FAM168A: variants seen among roughly 807,000 people sequenced by gnomAD.
FAM168A encodes the protein protein FAM168A.
In FAM168A, 3 loss-of-function variants were observed where a neutral mutation model predicts 28.5. The observed-to-expected ratio is 0.11, with a 90% CI of 0.05 to 0.27. FAM168A has a LOEUF of 0.27. FAM168A is among the 10% of genes least tolerant of loss of function. FAM168A has a pLI of 1.00. For missense variants in FAM168A, 222 were observed against 311.5 expected, an observed-to-expected ratio of 0.71 and a Z score of 2.16; for synonymous variants, 122 against 124.2, an observed-to-expected ratio of 0.98 and a Z score of 0.12.
chr11:73,556,645 GA>G (rs1224339075), intron 1 of FAM168A, among the ~76,000 whole-genome samples: 1 of 151,850 alleles, frequency 6.6e-6, no homozygotes, highest in Non-Finnish European at 1.5e-5. Flanking sequence ...ACAACATTAT[GA>G]ATGTATTTAA....
chr11:73,506,087 C>T (rs1220451152), intron 1 of FAM168A, among the ~76,000 whole-genome samples: 1 of 152,194 alleles, frequency 6.6e-6, no homozygotes, highest in Non-Finnish European at 1.5e-5. Context: ...AGAAGTTCCA[C>T]ACCAGGACCT....
At chr11:73,573,926 G>T (rs1944139746) in intron 1 of FAM168A, among the ~76,000 whole-genome samples, 1 of 152,106 alleles carries the variant, frequency 6.6e-6, no homozygotes, top group Admixed American at 6.5e-5. Flanking sequence ...CTGCACTCCA[G>T]CCTGGGTGAC....
intron 1 of FAM168A, among the ~76,000 whole-genome samples, chr11:73,545,027 A>ATAAT (rs57233496): frequency 1.3e-5 from 1 of 77,468 alleles, no homozygotes; most frequent in Admixed American, 1.6e-4. Flanking sequence ...TAGTATATAT[A>ATAAT]ATATATATAT....
chr11:73,556,618 T>C (rs530564541), intron 1 of FAM168A, among the ~76,000 whole-genome samples: 66 of 151,988 alleles, frequency 4.3e-4, no homozygotes, highest in African/African-American at 1.4e-3. Flanking sequence ...TTAGAGATAG[T>C]TGACAGTGAT....
chr11:73,430,354 A>G (rs146252646), intron 3 of FAM168A: 113 of 315,556 alleles, frequency 3.6e-4, no homozygotes, highest in Non-Finnish European at 5.8e-4. Flanking sequence ...GTGTGTCCCA[A>G]TGGCAGCCTC....
chr11:73,505,956 T>C (rs979407714), intron 1 of FAM168A, among the ~76,000 whole-genome samples: 1 of 152,164 alleles, frequency 6.6e-6, no homozygotes, highest in Non-Finnish European at 1.5e-5. Flanking sequence ...CTGAGATTTA[T>C]AAATTCAATA....
chr11:73,464,935 CTCT>C (rs1275108133), intron 2 of FAM168A, among the ~76,000 whole-genome samples: 1 of 151,422 alleles, frequency 6.6e-6, no homozygotes, highest in African/African-American at 2.4e-5. Context: ...TGTCATATAG[CTCT>C]TAAGTGGCAG....
intron 2 of FAM168A, among the ~76,000 whole-genome samples, chr11:73,434,806 T>C (rs887311236): frequency 6.6e-6 from 1 of 152,162 alleles, no homozygotes; most frequent in Non-Finnish European, 1.5e-5. Flanking sequence ...TATAAGCGGG[T>C]AGAGAAGCAT....
chr11:73,482,181 C>CT (rs55882143), intron 1 of FAM168A, among the ~76,000 whole-genome samples: 36,918 of 77,504 alleles, frequency 0.48, 9,885 homozygotes, highest in Middle Eastern at 0.65. Flanking sequence ...ATCCAACAGC[C>CT]TTTTTTTTTT....
At chr11:73,538,289 T>C (rs1197967438) in intron 1 of FAM168A, among the ~76,000 whole-genome samples, 1 of 121,442 alleles carries the variant, frequency 8.2e-6, no homozygotes, top group Non-Finnish European at 1.7e-5. Flanking sequence ...AACAGAAAAA[T>C]AAAGGACAAA....
chr11:73,567,636 A>G (rs888670726), intron 1 of FAM168A, among the ~76,000 whole-genome samples: 2 of 152,216 alleles, frequency 1.3e-5, no homozygotes, highest in Admixed American at 1.3e-4. Context: ...GTTGGAAACT[A>G]CATTTCCAAA....
At chr11:73,477,032 AT>A (rs1023733516) in intron 1 of FAM168A, among the ~76,000 whole-genome samples, 2 of 152,176 alleles carry the variant, frequency 1.3e-5, no homozygotes, top group African/African-American at 2.4e-5. Flanking sequence ...CATTAAAAAA[AT>A]AAAACAAAAA....
At chr11:73,442,811 G>C (rs532093310) in intron 2 of FAM168A, among the ~76,000 whole-genome samples, 3 of 148,222 alleles carry the variant, frequency 2.0e-5, no homozygotes, top group African/African-American at 5.0e-5. Context: ...GTTGTTCAAG[G>C]CTTCTATTTC....
At chr11:73,447,699 A>T (rs80221676) in intron 2 of FAM168A, among the ~76,000 whole-genome samples, 19 of 143,396 alleles carry the variant, frequency 1.3e-4, no homozygotes, top group African/African-American at 3.1e-4. Context: ...GCCCAAACCT[A>T]TTTTTTTTTT....
At chr11:73,587,479 G>A (rs1944329697) in intron 1 of FAM168A, among the ~76,000 whole-genome samples, 2 of 150,034 alleles carry the variant, frequency 1.3e-5, no homozygotes, top group South Asian at 2.1e-4. Context: ...GTGACAAAGC[G>A]AGACTCCGTC....
At chr11:73,456,716 G>T (rs1867539293) in intron 2 of FAM168A, among the ~76,000 whole-genome samples, 1 of 152,246 alleles carries the variant, frequency 6.6e-6, no homozygotes, top group African/African-American at 2.4e-5. Flanking sequence ...TGAGCCAGCA[G>T]AAACTATCTG....
intron 2 of FAM168A, among the ~76,000 whole-genome samples, chr11:73,448,497 C>A (rs1867365432): frequency 6.6e-6 from 1 of 152,222 alleles, no homozygotes; most frequent in Non-Finnish European, 1.5e-5. Flanking sequence ...TTGTGATAGA[C>A]AATGGGCTCA....
intron 1 of FAM168A, among the ~76,000 whole-genome samples, chr11:73,594,193 C>G (rs1944415829): frequency 6.6e-6 from 1 of 152,056 alleles, no homozygotes; most frequent in African/African-American, 2.4e-5. Context: ...CCTTGACCTC[C>G]CTGGCTCAAG....
intron 1 of FAM168A, among the ~76,000 whole-genome samples, chr11:73,549,238 G>C (rs942702821): frequency 1.3e-5 from 2 of 152,028 alleles, no homozygotes; most frequent in Admixed American, 1.3e-4. Flanking sequence ...CACCATGTCT[G>C]GCCTCCATAG....
Sources: allele counts gnomAD v4.1 joint callset (sites outside exome capture counted in the v4.1 genomes callset), GRCh38; gene constraint gnomAD v4.1.1; transcripts MANE v1.5; gene names NCBI Gene and HGNC (gene_info 2026-07-23, HGNC 2026-07-21).